Variants in BACE2 observed in about 807,000 individuals in gnomAD.
The protein encoded by BACE2 is beta-secretase 2.
Under a neutral mutation model 46.2 loss-of-function variants are expected in BACE2, and 17 were observed. The observed-to-expected ratio is 0.37, with a 90% CI of 0.25 to 0.55. The LOEUF is 0.55. BACE2 is among the 20% of genes least tolerant of loss of function. The pLI, the probability that BACE2 is intolerant of heterozygous loss-of-function variation, is 0.82. For synonymous variants in BACE2, 277 were observed against 295.9 expected, an observed-to-expected ratio of 0.94 and a Z score of 0.66; for missense variants, 595 against 698.1, an observed-to-expected ratio of 0.85 and a Z score of 1.66.
chr21:41,224,479 G>A (rs1288083546), intron 1 of BACE2, among the ~76,000 whole-genome samples: 2 of 152,168 alleles, frequency 1.3e-5, no homozygotes, highest in Non-Finnish European at 2.9e-5. Context: ...GTGAGCCACT[G>A]TGCCCATCCG....
chr21:41,253,961 A>G (rs779707754), intron 7 of BACE2, among the ~76,000 whole-genome samples: 7 of 152,096 alleles, frequency 4.6e-5, no homozygotes, highest in Non-Finnish European at 8.8e-5. Context: ...GCTGGGAAAG[A>G]TCACCTGGTG....
chr21:41,218,687 A>G (rs1238593113), intron 1 of BACE2, among the ~76,000 whole-genome samples: 1 of 152,196 alleles, frequency 6.6e-6, no homozygotes, highest in Non-Finnish European at 1.5e-5. Flanking sequence ...TCCTTAATGG[A>G]AGGAAATTCT....
chr21:41,240,889 T>C (rs1987266744), intron 3 of BACE2, among the ~76,000 whole-genome samples: 1 of 152,232 alleles, frequency 6.6e-6, no homozygotes, highest in South Asian at 2.1e-4. Flanking sequence ...ACAGTTTTAG[T>C]TCTCACGGAT....
Position 41,168,182 on chromosome 21 carries a change from G to T in BACE2, c.-82G>T. 4.8e-6 allele frequency: 4 copies of T among 832,668 alleles called. No individual in the cohort carries two copies. The highest frequency in any genetic ancestry group is 5.9e-6 in the Non-Finnish European group (4 of 677,748). 51.6% of individuals were successfully genotyped at this position (832,668 alleles called of 1,614,324 possible). ...CCCATCCCTGCCCGCAGCCCCGCGC[G>T]CCGGCCGAGTCGCTGAGCCGCGGCT... On this transcript the variant is annotated 5_prime_UTR_variant, in exon 1 of 9. Transcript: ENST00000330333.
intron 2 of BACE2, among the ~76,000 whole-genome samples, chr21:41,229,954 G>A (rs946086121): frequency 6.6e-6 from 1 of 152,130 alleles, no homozygotes. Flanking sequence ...TTCTTTTGTG[G>A]GTAAATAAAA....
chr21:41,208,122 A>G (rs1986185778), intron 1 of BACE2, among the ~76,000 whole-genome samples: 1 of 152,216 alleles, frequency 6.6e-6, no homozygotes. Flanking sequence ...TTAGGATGTT[A>G]AGTGGAACAA....
chr21:41,171,991 A>G (rs571302108), intron 1 of BACE2, among the ~76,000 whole-genome samples: 2 of 152,358 alleles, frequency 1.3e-5, no homozygotes, highest in East Asian at 3.9e-4. Context: ...ATATGCAATA[A>G]GAGTTTGTGT....
intron 8 of BACE2, among the ~76,000 whole-genome samples, chr21:41,273,220 A>G (rs576282550): frequency 6.6e-6 from 1 of 152,358 alleles, no homozygotes; most frequent in East Asian, 1.9e-4. Flanking sequence ...AAAATTGCTA[A>G]TGAAGCTTTG....
chr21:41,246,028 G>C lies in BACE2; in HGVS notation c.949G>C (p.Asp317His). ...TLLRLPQKVF[D>H]AVVEAVARAS... ...GCTGCGCCTGCCCCAGAAGGTGTTT[G>C]ATGCGGTGGTGGAAGCTGTGGCCCG... The change falls in exon 6 of 9, where the codon GAT becomes CAT. Residue 317 changes from aspartate (D) to histidine (H), a missense_variant. Coordinates refer to ENST00000330333, the MANE Select transcript of BACE2 (RefSeq NM_012105.5). 1 of 1,610,384 alleles carries C rather than the reference G, an allele frequency of 6.2e-7. No homozygotes were observed. The highest frequency in any genetic ancestry group is 8.5e-7 in the Non-Finnish European group (1 of 1,178,440).
intron 1 of BACE2, 99 bp downstream of exon 1, chr21:41,168,674 A>G: frequency 1.1e-6 from 1 of 873,622 alleles, no homozygotes; most frequent in Non-Finnish European, 1.5e-6. Context: ...CCCCCAAAGC[A>G]GCAGCTGTCC....
intron 1 of BACE2, among the ~76,000 whole-genome samples, chr21:41,221,827 CAAAAAAAAA>C (rs58502168): frequency 8.1e-5 from 8 of 98,728 alleles, no homozygotes; most frequent in African/African-American, 1.6e-4. Context: ...GACTCTGTCT[CAAAAAAAAA>C]AAAAAAAAAA....
In BACE2 at chr21:41,278,552, C is replaced by G. The variant is rs1440058878; in HGVS notation, c.*2928C>G. 1.3e-5 allele frequency: 2 copies of G among 152,192 alleles called. No homozygotes were observed. The highest frequency in any genetic ancestry group is 4.8e-5 in the African/African-American group (2 of 41,448). 9.4% of individuals were successfully genotyped at this position (152,192 alleles called of 1,614,324 possible). On this transcript the variant is annotated 3_prime_UTR_variant, in exon 9 of 9. Coordinates refer to ENST00000330333, the MANE Select transcript of BACE2 (RefSeq NM_012105.5). ...GGACCTTGCCTGATTCATGGTGAAA[C>G]ACAGAGGTTTTGGTTGGAGATAAAT... is the stretch of plus-strand genomic sequence containing the variant.
chr21:41,192,899 A>T (rs1479290858), intron 1 of BACE2, among the ~76,000 whole-genome samples: 1 of 152,234 alleles, frequency 6.6e-6, no homozygotes. Context: ...TAAATGCAGC[A>T]ACTTATCCTT....
Position 41,245,876 on chromosome 21 carries a change from G to A in BACE2, c.883-86G>A, listed in dbSNP as rs938029057. ...TGGCTGCCTGGATTTGTGTGTAACAGACAGATGGTGATGGCGGCTAGAGCC... is the reference window on the plus strand; with the variant it reads ...TGGCTGCCTGGATTTGTGTGTAACAAACAGATGGTGATGGCGGCTAGAGCC... On this transcript the variant is annotated intron_variant, in intron 5 of 8. Coordinates refer to ENST00000330333, the MANE Select transcript of BACE2 (RefSeq NM_012105.5). 6 of 957,052 alleles carry A rather than the reference G, an allele frequency of 6.3e-6. No homozygotes were observed. The African/African-American group carries it at 9.7e-5, about 15-fold the overall frequency. The allele number at this position is 957,052 out of a possible 1,614,324, so 59.3% of individuals were successfully genotyped here.
chr21:41,221,984 G>A (rs1358867852), intron 1 of BACE2, among the ~76,000 whole-genome samples: 2 of 152,220 alleles, frequency 1.3e-5, no homozygotes, highest in African/African-American at 2.4e-5. Flanking sequence ...TCGGGACCCC[G>A]TGAATGGCAT....
At chr21:41,255,611 G>C (rs1350266404) in intron 7 of BACE2, among the ~76,000 whole-genome samples, 1 of 152,202 alleles carries the variant, frequency 6.6e-6, no homozygotes, top group Non-Finnish European at 1.5e-5. Flanking sequence ...AGCCTCGAGG[G>C]AGCAGGGACT....
At chr21:41,258,365 G>A (rs1225372634) in intron 8 of BACE2, among the ~76,000 whole-genome samples, 9 of 152,318 alleles carry the variant, frequency 5.9e-5, no homozygotes, top group East Asian at 1.9e-4. Context: ...GATATGAGAC[G>A]CTGTTGGAGG....
rs150972786 is a variant in BACE2, at chr21:41,187,961, G to T, written c.312+19386G>T. On this transcript the variant is annotated intron_variant, in intron 1 of 8. Coordinates refer to ENST00000330333, the MANE Select transcript of BACE2 (RefSeq NM_012105.5). ...ATATATAAGAATTTACTACGTAGTA[G>T]TTCCTTTATATTCTGTATAACGTCA... 3.4e-3 allele frequency among the ~76,000 whole-genome samples: 514 copies of T among 152,300 alleles called. 5 individuals are homozygous for T. The highest frequency in any genetic ancestry group is 0.012 in the African/African-American group (492 of 41,550).
At chr21:41,268,877 A>G (rs2088405271) in intron 8 of BACE2, among the ~76,000 whole-genome samples, 1 of 152,246 alleles carries the variant, frequency 6.6e-6, no homozygotes, top group Non-Finnish European at 1.5e-5. Flanking sequence ...TTCAACTGGA[A>G]GAACAGTACT....
Sources: allele counts gnomAD v4.1 joint callset (sites outside exome capture counted in the v4.1 genomes callset), GRCh38; gene constraint gnomAD v4.1.1; transcripts MANE v1.5; gene names NCBI Gene and HGNC (gene_info 2026-07-23, HGNC 2026-07-21).